The following CSDC2 variants were observed in gnomAD, a reference collection of about 807,000 sequenced individuals.
CSDC2 encodes the protein cold shock domain containing C2, also known as cold shock domain-containing protein C2.
A neutral mutation model predicts 15.8 loss-of-function variants in CSDC2; 8 were observed. The observed-to-expected ratio is 0.51, with a 90% CI of 0.30 to 0.92. The LOEUF (loss-of-function observed/expected upper bound fraction) is 0.92. Among genes scored for constraint, CSDC2 ranks in the 40% least tolerant of loss-of-function variants. The probability of loss-of-function intolerance (pLI) is 0.07; values close to 1 mark genes in which losing one functional copy is unlikely to be tolerated. For synonymous variants in CSDC2, 96 were observed against 92.3 expected (o/e 1.04, Z -0.23); for missense variants, 195 against 213.3 (o/e 0.91, Z 0.53).
At chr22:41,561,353 T>G (rs1000327788) in intron 1 of CSDC2, among the ~76,000 whole-genome samples, 170 bp downstream of exon 1, 2 of 152,118 alleles carry the variant, frequency 1.3e-5, no homozygotes, top group East Asian at 3.9e-4. Context: ...CCTCATTCTC[T>G]CCCCGTGACC....
In CSDC2 at chr22:41,575,072, G is replaced by A. The variant is rs576766665; in HGVS notation, c.*177G>A. 96 of 772,028 alleles carry A rather than the reference G, an allele frequency of 1.2e-4. 1 individual carries two copies. Among genetic ancestry groups the A allele is most frequent in the Admixed American group, 6.9e-4 (25 of 36,136 alleles). The allele number at this position is 772,028 out of a possible 1,614,324, so 47.8% of individuals were successfully genotyped here. A position where few individuals can be genotyped will look rare whatever the true frequency, so the allele number is the denominator to read the frequency against. ...GAGCGTGTGCCTCCACCCACCCCAC[G>A]ACCCGTGACTACTGTGCAAGCTGGC... is the stretch of plus-strand genomic sequence containing the variant. On this transcript the variant is annotated 3_prime_UTR_variant, in exon 4 of 4. Transcript: ENST00000306149.
chr22:41,564,750 C>T (rs961842602), intron 1 of CSDC2, among the ~76,000 whole-genome samples: 1 of 152,164 alleles, frequency 6.6e-6, no homozygotes, highest in Non-Finnish European at 1.5e-5. Flanking sequence ...CGATGATTCA[C>T]GTAGCTGAAG....
chr22:41,573,894 TTTCTGTC>T (rs2067161294), intron 3 of CSDC2, 117 bp downstream of exon 3: 2 of 1,345,874 alleles, frequency 1.5e-6, no homozygotes, highest in Non-Finnish European at 2.0e-6. Flanking sequence ...CATGGTGCCT[TTTCTGTC>T]CTCTGAGTAG....
chr22:41,565,449 C>CA (rs34460484), intron 1 of CSDC2, among the ~76,000 whole-genome samples: 7,381 of 57,004 alleles, frequency 0.13, 394 homozygotes, highest in Middle Eastern at 0.22. Context: ...GATTCCATCT[C>CA]AAAAAAAAAA....
At chr22:41,571,398 G>A (rs2067144420) in intron 1 of CSDC2, among the ~76,000 whole-genome samples, 3 of 152,024 alleles carry the variant, frequency 2.0e-5, no homozygotes, top group African/African-American at 7.3e-5. Context: ...TATGTAGCCA[G>A]AAGGTGGAGG....
At position 41,571,023 on chromosome 22, in the gene CSDC2, T is replaced by C. The variant is rs960747085; in HGVS notation, c.-123-820T>C. Among the ~76,000 whole-genome samples, 7 of 151,486 alleles carry C rather than the reference T, an allele frequency of 4.6e-5. No individual in the cohort carries two copies. The East Asian group carries it at 9.7e-4, about 21-fold the overall frequency. On this transcript the variant is annotated intron_variant, in intron 1 of 3. Coordinates refer to ENST00000306149, the MANE Select transcript of CSDC2 (RefSeq NM_014460.4). ...AACAAAGGATCAATGCTAGCCCCAT[T>C]TTACAGAACAGAAAATAAGAGTCAG...
Position 41,576,597 on chromosome 22 carries a change from C to T in CSDC2, c.*1702C>T. 1 of 154,834 alleles carries T rather than the reference C, an allele frequency of 6.5e-6. No homozygotes were observed. The highest frequency in any genetic ancestry group is 1.4e-5 in the Non-Finnish European group (1 of 70,074). 9.6% of individuals were successfully genotyped at this position (154,834 alleles called of 1,614,324 possible). A position where few individuals can be genotyped will look rare whatever the true frequency, so the allele number is the denominator to read the frequency against. On this transcript the variant is annotated 3_prime_UTR_variant, in exon 4 of 4. Coordinates refer to ENST00000306149, the MANE Select transcript of CSDC2 (RefSeq NM_014460.4). Reference sequence around the variant, plus strand: ...CTGCAGTGCTCATTTGGAATTCCTCCCAAGACCCCTGGCCACCCAGACCCC... The same window carrying T: ...CTGCAGTGCTCATTTGGAATTCCTCTCAAGACCCCTGGCCACCCAGACCCC...
chr22:41,562,999 C>T (rs1160407385), intron 1 of CSDC2, among the ~76,000 whole-genome samples: 1 of 152,092 alleles, frequency 6.6e-6, no homozygotes, highest in African/African-American at 2.4e-5. Context: ...GACTGGGGTG[C>T]GTATTTGGCT....
rs1415811593 is a variant in CSDC2, at chr22:41,576,182, A to G, written c.*1287A>G. The stretch of plus-strand genomic sequence containing the variant: ...TCTGTGAGTAAAACTGGGGGCTCAA[A>G]TGCCCAGGATGAGGGGATCAGTGAC... On this transcript the variant is annotated 3_prime_UTR_variant, in exon 4 of 4. Transcript: ENST00000306149. The G allele has an allele frequency of 2.0e-5, 3 of 152,238 alleles. No homozygotes were observed. Among genetic ancestry groups the G allele is most frequent in the African/African-American group, 7.2e-5 (3 of 41,442 alleles). 9.4% of individuals were successfully genotyped at this position (152,238 alleles called of 1,614,324 possible).
chr22:41,572,835 G>T (rs1338166583), intron 2 of CSDC2, among the ~76,000 whole-genome samples: 1 of 152,224 alleles, frequency 6.6e-6, no homozygotes, highest in Non-Finnish European at 1.5e-5. Flanking sequence ...GGTCACCGAT[G>T]AGGTGGCATA....
chr22:41,566,630 CAAAA>C (rs554141972), intron 1 of CSDC2, among the ~76,000 whole-genome samples: 1 of 83,432 alleles, frequency 1.2e-5, no homozygotes, highest in South Asian at 3.8e-4. Context: ...GACTCTGTCT[CAAAA>C]AAAAAAAAAA....
intron 1 of CSDC2, among the ~76,000 whole-genome samples, chr22:41,566,926 CAA>C (rs573857754): frequency 5.2e-4 from 34 of 65,006 alleles, no homozygotes; most frequent in Non-Finnish European, 5.9e-4. Flanking sequence ...TCCTCCGTCT[CAA>C]AAAAAAAAAA....
Position 41,576,130 on chromosome 22 carries a change from CA to C in CSDC2, c.*1236del, listed in dbSNP as rs2145604168. On this transcript the variant is annotated 3_prime_UTR_variant, in exon 4 of 4. Coordinates refer to ENST00000306149, the MANE Select transcript of CSDC2 (RefSeq NM_014460.4). ...GGCCGTGGTTCGAGGGAGGGCTGGC[CA>C]GGGGTGGGACCCTTATGAGACTCAG... 6.6e-6 allele frequency: 1 copy of C among 152,496 alleles called. No homozygotes were observed. Among genetic ancestry groups the C allele is most frequent in the East Asian group, 1.9e-4 (1 of 5,180 alleles). 9.4% of individuals were successfully genotyped at this position (152,496 alleles called of 1,614,324 possible).
Position 41,572,159 on chromosome 22 carries a change from G to A in CSDC2, c.176+18G>A. ...TATTCAGCGTGAGTACCTGCCCCTT[G>A]CCCAGGCCCCTGACCCTTGTCAGGA... On this transcript the variant is annotated intron_variant, in intron 2 of 3. Coordinates refer to ENST00000306149, the MANE Select transcript of CSDC2 (RefSeq NM_014460.4). 1 of 1,294,046 alleles carries A rather than the reference G, an allele frequency of 7.7e-7. No individual in the cohort carries two copies. Among genetic ancestry groups the A allele is most frequent in the Non-Finnish European group, 9.9e-7 (1 of 1,013,694 alleles). 80.2% of individuals were successfully genotyped at this position (1,294,046 alleles called of 1,614,324 possible). A position where few individuals can be genotyped will look rare whatever the true frequency, so the allele number is the denominator to read the frequency against.
intron 1 of CSDC2, among the ~76,000 whole-genome samples, chr22:41,567,835 C>A (rs2067124045): frequency 6.6e-6 from 1 of 152,212 alleles, no homozygotes; most frequent in Non-Finnish European, 1.5e-5. Context: ...TAGCACCAGC[C>A]TTGAAGAGCA....
chr22:41,572,657 T>C (rs1172290226), intron 2 of CSDC2, among the ~76,000 whole-genome samples: 1 of 152,090 alleles, frequency 6.6e-6, no homozygotes, highest in African/African-American at 2.4e-5. Flanking sequence ...CAGCATGGGG[T>C]ACCAGAGGAG....
intron 1 of CSDC2, among the ~76,000 whole-genome samples, chr22:41,569,177 C>A (rs868117152): frequency 6.6e-6 from 1 of 152,258 alleles, no homozygotes. Flanking sequence ...GGGCAGGTGG[C>A]ACTCAAGGAG....
chr22:41,563,143 A>T (rs558111019), intron 1 of CSDC2, among the ~76,000 whole-genome samples: 3 of 152,034 alleles, frequency 2.0e-5, no homozygotes, highest in Non-Finnish European at 4.4e-5. Context: ...AATTAAGCTC[A>T]AGTATTGGCT....
rs75083012 is a variant in CSDC2, at chr22:41,566,928, A to G, written c.-123-4915A>G. On this transcript the variant is annotated intron_variant, in intron 1 of 3. Transcript: ENST00000306149. ...GGCGACAGAGCGATCCTCCGTCTCA[A>G]AAAAAAAAAAAAAAAGGGAGGGTCA... is the stretch of plus-strand genomic sequence containing the variant. Among the ~76,000 whole-genome samples the G allele has an allele frequency of 1.5e-3, 223 of 146,366 alleles. 6 individuals are homozygous for G. The East Asian group carries it at 0.034, about 22-fold the overall frequency.
Sources: allele counts gnomAD v4.1 joint callset (sites outside exome capture counted in the v4.1 genomes callset), GRCh38; gene constraint gnomAD v4.1.1; transcripts MANE v1.5; gene names NCBI Gene and HGNC (gene_info 2026-07-23, HGNC 2026-07-21).